The following AP1S3 variants were observed in gnomAD, a reference collection of about 807,000 sequenced individuals.
AP1S3 encodes the protein adaptor related protein complex 1 subunit sigma 3.
In AP1S3, 10 loss-of-function variants were observed where a neutral mutation model predicts 20.9. The ratio of observed to expected loss-of-function variants is 0.48; its 90% CI spans 0.29 to 0.81. AP1S3 has a LOEUF of 0.81. Ranked by LOEUF, AP1S3 falls within the 30% of genes least tolerant of loss-of-function variation. AP1S3 has a pLI of 0.08. For missense variants in AP1S3, 154 were observed against 183.8 expected (o/e 0.84, Z 0.94); for synonymous variants, 41 against 61.5 (o/e 0.67, Z 1.56).
intron 1 of AP1S3, among the ~76,000 whole-genome samples, chr2:223,799,284 G>A (rs1383810713): frequency 6.6e-6 from 1 of 151,116 alleles, no homozygotes; most frequent in Admixed American, 6.6e-5. Flanking sequence ...AGAGATTGGG[G>A]TAATGCAACT....
chr2:223,786,701 A>G (rs1395198797), intron 1 of AP1S3, among the ~76,000 whole-genome samples: 1 of 152,188 alleles, frequency 6.6e-6, no homozygotes, highest in African/African-American at 2.4e-5. Flanking sequence ...CAAGAGTTCA[A>G]AACCAGTCTG....
intron 1 of AP1S3, among the ~76,000 whole-genome samples, chr2:223,802,634 C>T (rs546482520): frequency 6.6e-6 from 1 of 152,190 alleles, no homozygotes; most frequent in African/African-American, 2.4e-5. Flanking sequence ...TAACAAATCA[C>T]CGCACAAATC....
intron 1 of AP1S3, among the ~76,000 whole-genome samples, chr2:223,826,237 G>A (rs560077068): frequency 1.3e-5 from 2 of 152,230 alleles, no homozygotes; most frequent in African/African-American, 4.8e-5. Flanking sequence ...AGGAGAAAAA[G>A]ACTGGAAATA....
At chr2:223,807,281 C>G (rs911429340) in intron 1 of AP1S3, among the ~76,000 whole-genome samples, 1 of 151,866 alleles carries the variant, frequency 6.6e-6, no homozygotes, top group African/African-American at 2.4e-5. Flanking sequence ...AAGAGAGAGA[C>G]AGAGAGAAAA....
intron 1 of AP1S3, among the ~76,000 whole-genome samples, chr2:223,786,545 G>A (rs573874935): frequency 6.6e-6 from 1 of 151,884 alleles, no homozygotes; most frequent in South Asian, 2.1e-4. Flanking sequence ...CTTGAGGCCA[G>A]GAATTCAAGA....
At position 223,756,422 on chromosome 2, in the gene AP1S3, AG is replaced by A. The variant is rs1162600033; in HGVS notation, c.*2292del. 1.1e-5 allele frequency: 7 copies of A among 630,782 alleles called. 1 individual carries two copies. In the South Asian group the frequency reaches 4.1e-4, roughly 37 times the overall value. 39.1% of individuals were successfully genotyped at this position (630,782 alleles called of 1,614,324 possible). On this transcript the variant is annotated 3_prime_UTR_variant, in exon 5 of 5. Coordinates refer to ENST00000396654, the MANE Select transcript of AP1S3 (RefSeq NM_001039569.2). ...GGAAGGAAGGGAGGGAAGGAGAGAG[AG>A]AGAAGAAGGAAGGAAGAAAGGAAGG...
chr2:223,776,731 T>C (rs2106089579), intron 2 of AP1S3, among the ~76,000 whole-genome samples: 1 of 152,258 alleles, frequency 6.6e-6, no homozygotes, highest in Middle Eastern at 3.4e-3. Context: ...CATCTATAAA[T>C]TGAGGGTCCT....
At chr2:223,764,150 C>T (rs1158170429) in intron 4 of AP1S3, among the ~76,000 whole-genome samples, 1 of 152,146 alleles carries the variant, frequency 6.6e-6, no homozygotes, top group Non-Finnish European at 1.5e-5. Flanking sequence ...AACTCCTAGC[C>T]TCAAGTGATC....
rs780060463 is a variant in AP1S3 at position 223,765,287 on chromosome 2, T to C, written c.355A>G (p.Ile119Val). 2.5e-6 allele frequency: 4 copies of C among 1,613,976 alleles called. No individual in the cohort carries two copies. Among genetic ancestry groups the C allele is most frequent in the Admixed American group, 3.3e-5 (2 of 59,992 alleles). Residue 119 changes from isoleucine (I) to valine (V), a missense_variant, in exon 4 of 5, where the codon ATA becomes GTA. Coordinates refer to ENST00000396654, the MANE Select transcript of AP1S3 (RefSeq NM_001039569.2). ...KAYFILDEFI[I>V]GGEIQETSKK... is the part of the protein sequence containing the mutation. ...GATGTTTCCTGAATTTCCCCACCTA[T>C]TATAAACTCGTCCAGGATGAAATAA...
chr2:223,780,697 T>C (rs1172282847), intron 1 of AP1S3, among the ~76,000 whole-genome samples: 1 of 150,704 alleles, frequency 6.6e-6, no homozygotes, highest in Non-Finnish European at 1.5e-5. Context: ...TCCCAGAGTG[T>C]TGTGATTACA....
intron 1 of AP1S3, among the ~76,000 whole-genome samples, chr2:223,832,807 CTTTTT>C (rs66947467): frequency 3.1e-5 from 4 of 129,942 alleles, no homozygotes; most frequent in Non-Finnish European, 3.2e-5. Flanking sequence ...TTTCTTTTTT[CTTTTT>C]TTTTTTTTTT....
intron 1 of AP1S3, among the ~76,000 whole-genome samples, chr2:223,814,439 G>A (rs886586681): frequency 1.3e-5 from 2 of 152,180 alleles, no homozygotes; most frequent in African/African-American, 4.8e-5. Flanking sequence ...AAAATGACAA[G>A]GGGTTGGCCT....
chr2:223,820,988 A>G (rs1023370978), intron 1 of AP1S3, among the ~76,000 whole-genome samples: 1 of 152,118 alleles, frequency 6.6e-6, no homozygotes, highest in Non-Finnish European at 1.5e-5. Flanking sequence ...CTCTCAAAAC[A>G]CATACTTCCC....
chr2:223,802,178 T>C (rs1374960243), intron 1 of AP1S3, among the ~76,000 whole-genome samples: 1 of 152,098 alleles, frequency 6.6e-6, no homozygotes, highest in East Asian at 1.9e-4. Context: ...AAACAGACCT[T>C]GTATTGGCAG....
Position 223,756,449 on chromosome 2 carries a change from AAAAG to A in AP1S3, c.*2262_*2265del, listed in dbSNP as rs778670861. On this transcript the variant is annotated 3_prime_UTR_variant, in exon 5 of 5. Coordinates refer to ENST00000396654, the MANE Select transcript of AP1S3 (RefSeq NM_001039569.2). ...AGAAGAAGGAAGGAAGAAAGGAAGG[AAAAG>A]AAAGAAAGAAAGAAAAGAAAGAAAG... 9.8e-4 allele frequency: 786 copies of A among 803,592 alleles called. 1 individual carries two copies. Among genetic ancestry groups the A allele is most frequent in the African/African-American group, 4.0e-3 (211 of 53,292 alleles). 49.8% of individuals were successfully genotyped at this position (803,592 alleles called of 1,614,324 possible). A position where few individuals can be genotyped will look rare whatever the true frequency, so the allele number is the denominator to read the frequency against.
In AP1S3 at chr2:223,837,539, G is replaced by A; in HGVS notation, c.-89C>T. The A allele has an allele frequency of 1.2e-6, 1 of 849,758 alleles. No homozygotes were observed. The highest frequency in any genetic ancestry group is 1.6e-6 in the Non-Finnish European group (1 of 633,954). The allele number at this position is 849,758 out of a possible 1,614,324, so 52.6% of individuals were successfully genotyped here. ...GGCGAGCGCTGGAGCCGGTGCGGCT[G>A]ACAGGTGAGGCGCCCGGCTTAGACC... On this transcript the variant is annotated 5_prime_UTR_variant, in exon 1 of 5. Transcript: ENST00000396654.
intron 1 of AP1S3, among the ~76,000 whole-genome samples, chr2:223,800,876 A>G (rs994684766): frequency 6.6e-6 from 1 of 152,304 alleles, no homozygotes; most frequent in Non-Finnish European, 1.5e-5. Flanking sequence ...ACAAATAGGG[A>G]AGAAAGAAAA....
At position 223,758,599 on chromosome 2, in the gene AP1S3, C is replaced by A; in HGVS notation, c.*116G>T. 7.3e-7 allele frequency: 1 copy of A among 1,376,604 alleles called. No homozygotes were observed. Among genetic ancestry groups the A allele is most frequent in the Non-Finnish European group, 9.4e-7 (1 of 1,061,496 alleles). The allele number at this position is 1,376,604 out of a possible 1,614,324, so 85.3% of individuals were successfully genotyped here. The stretch of plus-strand genomic sequence containing the variant: ...TTAACTTTGTTAGTTAACAAAGAAT[C>A]CCTTTAAATTATTTTTGGCATGGTG... On this transcript the variant is annotated 3_prime_UTR_variant, in exon 5 of 5. Coordinates refer to ENST00000396654, the MANE Select transcript of AP1S3 (RefSeq NM_001039569.2).
chr2:223,830,152 C>G (rs1374361502), intron 1 of AP1S3, among the ~76,000 whole-genome samples: 1 of 151,952 alleles, frequency 6.6e-6, no homozygotes, highest in Non-Finnish European at 1.5e-5. Context: ...AATTTTGCAT[C>G]CGGGAGCCAA....
Sources: allele counts gnomAD v4.1 joint callset (sites outside exome capture counted in the v4.1 genomes callset), GRCh38; gene constraint gnomAD v4.1.1; transcripts MANE v1.5; gene names NCBI Gene and HGNC (gene_info 2026-07-23, HGNC 2026-07-21).